BCAS4: variants seen among roughly 807,000 people sequenced by gnomAD.
BCAS4 encodes the protein breast carcinoma amplified sequence 4, also known as breast carcinoma-amplified sequence 4.
In BCAS4, 9 loss-of-function variants were observed where a neutral mutation model predicts 15.7. The ratio of observed to expected loss-of-function variants is 0.57; its 90% CI spans 0.34 to 1.00. BCAS4 has a LOEUF of 1.00. Among genes scored for constraint, BCAS4 ranks in the 50% least tolerant of loss-of-function variants. BCAS4 has a pLI of 0.02. For missense variants in BCAS4, 225 were observed against 239.1 expected (o/e 0.94, Z 0.39); for synonymous variants, 101 against 99.5 (o/e 1.02, Z -0.09).
chr20:50,824,807 C>G (rs920329596), intron 2 of BCAS4, among the ~76,000 whole-genome samples: 5 of 152,202 alleles, frequency 3.3e-5, no homozygotes, highest in African/African-American at 4.8e-5. Flanking sequence ...CAGGTCTTGG[C>G]TCAGTGTGTC....
chr20:50,806,738 T>C (rs1195910135), intron 1 of BCAS4, among the ~76,000 whole-genome samples: 1 of 149,342 alleles, frequency 6.7e-6, no homozygotes, highest in Admixed American at 6.6e-5. Context: ...AGTAGGTATA[T>C]ATATTCAGGG....
chr20:50,842,028 G>A (rs542842685), intron 4 of BCAS4, 128 bp downstream of exon 4: 20 of 1,220,890 alleles, frequency 1.6e-5, no homozygotes, highest in Middle Eastern at 2.9e-4. Flanking sequence ...GACAGGAAAC[G>A]GGTACAGGCG....
chr20:50,823,265 G>A (rs530743888), intron 2 of BCAS4, among the ~76,000 whole-genome samples: 5 of 151,954 alleles, frequency 3.3e-5, no homozygotes, highest in South Asian at 2.1e-4. Flanking sequence ...ACTTGAACCC[G>A]GGAGGCGGAA....
intron 3 of BCAS4, chr20:50,840,823 T>C: frequency 1.0e-6 from 1 of 1,002,822 alleles, no homozygotes; most frequent in Non-Finnish European, 1.6e-6. Context: ...CACCACTGAG[T>C]TGTCCAATTT....
At chr20:50,803,253 C>T (rs2087950117) in intron 1 of BCAS4, among the ~76,000 whole-genome samples, 2 of 152,226 alleles carry the variant, frequency 1.3e-5, no homozygotes, top group Non-Finnish European at 2.9e-5. Flanking sequence ...CATAGCGATT[C>T]TTCTGATGAG....
Position 50,816,469 on chromosome 20 carries a change from A to G in BCAS4, c.91-1742A>G, listed in dbSNP as rs534907840. On this transcript the variant is annotated intron_variant, in intron 1 of 4. Transcript: ENST00000371608. ...TGTTCCAATGTTTAAACATTGGGGC[A>G]TTTCCTATCAAATTAGGATTTCTGG... is the stretch of plus-strand genomic sequence containing the variant. Among the ~76,000 whole-genome samples the G allele has an allele frequency of 7.2e-5, 11 of 152,340 alleles. No homozygotes were observed. In the South Asian group the frequency reaches 1.9e-3, roughly 26 times the overall value.
intron 4 of BCAS4, among the ~76,000 whole-genome samples, chr20:50,848,752 G>C (rs572747066): frequency 6.6e-6 from 1 of 152,246 alleles, no homozygotes; most frequent in African/African-American, 2.4e-5. Flanking sequence ...TGCAGGTTTG[G>C]TTGTTTGGAA....
At chr20:50,825,020 C>G (rs145822769) in intron 2 of BCAS4, among the ~76,000 whole-genome samples, 15 of 152,232 alleles carry the variant, frequency 9.9e-5, no homozygotes, top group African/African-American at 3.4e-4. Flanking sequence ...CTGGATTAGA[C>G]TCCTCCCTCT....
intron 1 of BCAS4, among the ~76,000 whole-genome samples, chr20:50,803,552 A>G (rs1002265425): frequency 6.6e-6 from 1 of 152,198 alleles, no homozygotes; most frequent in Non-Finnish European, 1.5e-5. Flanking sequence ...TTTAAAAAAT[A>G]CTAGCTGGGG....
chr20:50,840,594 A>G, intron 3 of BCAS4: 1 of 1,571,624 alleles, frequency 6.4e-7, no homozygotes. Flanking sequence ...TGTACAGTGC[A>G]TATTGACGGC....
chr20:50,864,675 T>C (rs1258654708), intron 4 of BCAS4, among the ~76,000 whole-genome samples: 1 of 151,816 alleles, frequency 6.6e-6, no homozygotes, highest in African/African-American at 2.4e-5. Context: ...ACTCCTGACC[T>C]CAGGTGATCT....
chr20:50,828,003 C>T (rs539640687), intron 2 of BCAS4, among the ~76,000 whole-genome samples: 82 of 152,140 alleles, frequency 5.4e-4, no homozygotes, highest in East Asian at 1.7e-3. Context: ...GCTGGGATTA[C>T]AGGTGTAAGC....
At chr20:50,800,224 T>G (rs2087911207) in intron 1 of BCAS4, among the ~76,000 whole-genome samples, 1 of 152,140 alleles carries the variant, frequency 6.6e-6, no homozygotes, top group African/African-American at 2.4e-5. Flanking sequence ...CAGCATTGTC[T>G]TAGGATGAGC....
At chr20:50,797,830 G>A (rs994419988) in intron 1 of BCAS4, among the ~76,000 whole-genome samples, 1 of 151,636 alleles carries the variant, frequency 6.6e-6, no homozygotes, top group African/African-American at 2.4e-5. Flanking sequence ...CACGCCCAGC[G>A]AATTTTGTAT....
chr20:50,805,976 CA>C (rs3068943), intron 1 of BCAS4, among the ~76,000 whole-genome samples: 3,811 of 121,800 alleles, frequency 0.031, 164 homozygotes, highest in African/African-American at 0.1. Flanking sequence ...GACTCCATCT[CA>C]AAAAAAAAAA....
intron 4 of BCAS4, among the ~76,000 whole-genome samples, chr20:50,854,427 C>T (rs138956371): frequency 3.9e-5 from 6 of 152,256 alleles, no homozygotes; most frequent in East Asian, 3.9e-4. Flanking sequence ...TGAGTATTCA[C>T]GTGAGGCAGG....
At chr20:50,880,075 CAG>C (rs1247923977), downstream of BCAS4, 2 of 152,312 alleles carry the variant, frequency 1.3e-5, no homozygotes, top group East Asian at 1.9e-4. Flanking sequence ...CCTTACGTGT[CAG>C]AGTTAGAAGT....
At position 50,812,121 on chromosome 20, in the gene BCAS4, G is replaced by A. The variant is rs76806511; in HGVS notation, c.91-6090G>A. Reference sequence around the variant, plus strand: ...TTCATCACTTAATGGATATTGGGTCGTGTCTACTTTTTATTTATTTATTTT... The same window carrying A: ...TTCATCACTTAATGGATATTGGGTCATGTCTACTTTTTATTTATTTATTTT... On this transcript the variant is annotated intron_variant, in intron 1 of 4. Transcript: ENST00000371608. Among the ~76,000 whole-genome samples the A allele has an allele frequency of 6.8e-3, 1,037 of 151,986 alleles. 6 individuals carry two copies. The highest frequency in any genetic ancestry group is 0.024 in the African/African-American group (992 of 41,444).
chr20:50,865,476 C>T (rs1979311634), intron 4 of BCAS4, among the ~76,000 whole-genome samples: 1 of 152,194 alleles, frequency 6.6e-6, no homozygotes, highest in African/African-American at 2.4e-5. Flanking sequence ...TGGGGCCACT[C>T]CTCTGCTGGT....
Sources: allele counts gnomAD v4.1 joint callset (sites outside exome capture counted in the v4.1 genomes callset), GRCh38; gene constraint gnomAD v4.1.1; transcripts MANE v1.5; gene names NCBI Gene and HGNC (gene_info 2026-07-23, HGNC 2026-07-21).